Variants in OTUD7A observed in about 807,000 individuals in gnomAD.
The protein encoded by OTUD7A is OTU domain-containing protein 7A.
A neutral mutation model predicts 65.7 loss-of-function variants in OTUD7A; 12 were observed. The observed-to-expected ratio is 0.18, with a 90% CI of 0.12 to 0.30. The LOEUF is 0.30. Ranked by LOEUF, OTUD7A falls within the 10% of genes least tolerant of loss-of-function variation. The pLI is 1.00. For missense variants in OTUD7A, 1,148 were observed against 1,304.8 expected, an observed-to-expected ratio of 0.88 and a Z score of 1.85; for synonymous variants, 641 against 586.3, an observed-to-expected ratio of 1.09 and a Z score of -1.35.
intron 3 of OTUD7A, among the ~76,000 whole-genome samples, chr15:31,619,396 C>T (rs1890702587): frequency 6.6e-6 from 1 of 152,202 alleles, no homozygotes; most frequent in Non-Finnish European, 1.5e-5. Context: ...TTGATTCTTC[C>T]TATCCATGAG....
intron 1 of OTUD7A, among the ~76,000 whole-genome samples, chr15:31,798,562 G>A (rs1896034719): frequency 6.6e-6 from 1 of 152,160 alleles, no homozygotes; most frequent in Non-Finnish European, 1.5e-5. Flanking sequence ...GAGTGCATGG[G>A]CCTGACAGTG....
chr15:31,489,000 G>A (rs1368755919), intron 10 of OTUD7A, among the ~76,000 whole-genome samples: 3 of 152,192 alleles, frequency 2.0e-5, no homozygotes, highest in Non-Finnish European at 4.4e-5. Flanking sequence ...CTGCCTTGAC[G>A]TGGCCACCCT....
intron 1 of OTUD7A, among the ~76,000 whole-genome samples, chr15:31,842,873 T>C (rs573593464): frequency 1.8e-4 from 28 of 152,162 alleles, no homozygotes; most frequent in Non-Finnish European, 4.0e-4. Context: ...ATTTGCTACC[T>C]GCTCCAAAAA....
chr15:31,575,957 C>A (rs966899326), intron 3 of OTUD7A, among the ~76,000 whole-genome samples: 4 of 152,050 alleles, frequency 2.6e-5, no homozygotes, highest in African/African-American at 4.8e-5. Flanking sequence ...ATATTCCATA[C>A]ACAATTGCAA....
chr15:31,741,345 T>C (rs1176860493), intron 1 of OTUD7A, among the ~76,000 whole-genome samples: 2 of 152,164 alleles, frequency 1.3e-5, no homozygotes, highest in Non-Finnish European at 2.9e-5. Flanking sequence ...AATTTTTTAT[T>C]ACACTTTAAG....
intron 1 of OTUD7A, among the ~76,000 whole-genome samples, chr15:31,734,014 C>T (rs1265509062): frequency 6.6e-6 from 1 of 152,032 alleles, no homozygotes; most frequent in Non-Finnish European, 1.5e-5. Context: ...AATACACTGT[C>T]AAGCAGAGTT....
intron 1 of OTUD7A, among the ~76,000 whole-genome samples, chr15:31,774,168 G>A (rs10775163): frequency 0.69 from 104,715 of 152,152 alleles, 36,549 homozygotes; most frequent in South Asian, 0.78. Flanking sequence ...TGGAGTTGAC[G>A]GCTGCTCAAT....
chr15:31,589,864 T>A (rs957530106), intron 3 of OTUD7A, among the ~76,000 whole-genome samples: 1 of 152,204 alleles, frequency 6.6e-6, no homozygotes, highest in African/African-American at 2.4e-5. Context: ...CTCTGTAAGA[T>A]TAGTATTGAA....
intron 3 of OTUD7A, among the ~76,000 whole-genome samples, chr15:31,648,598 C>T (rs193105006): frequency 3.0e-4 from 45 of 152,258 alleles, no homozygotes; most frequent in Middle Eastern, 6.8e-3. Context: ...AGCTTCGTCT[C>T]CTTAACCCAT....
In OTUD7A at chr15:31,487,710, C is replaced by A. The variant is rs1193622627; in HGVS notation, c.1172-144G>T. On this transcript the variant is annotated intron_variant, in intron 10 of 12. Transcript: ENST00000307050. The surrounding 1 kb of genome is among the most constrained non-coding windows in gnomAD (Gnocchi z 6.0). ...TCTGTGCCAGCAGGAGCATGAAGAC[C>A]AAAACCACTATTGCTAGTTTTTAAA... 1.5e-6 allele frequency: 1 copy of A among 649,056 alleles called. No individual in the cohort carries two copies. Among genetic ancestry groups the A allele is most frequent in the Non-Finnish European group, 2.6e-6 (1 of 381,096 alleles). The allele number at this position is 649,056 out of a possible 1,614,324, so 40.2% of individuals were successfully genotyped here.
At chr15:31,662,880 A>G (rs189490637) in intron 1 of OTUD7A, among the ~76,000 whole-genome samples, 1 of 152,344 alleles carries the variant, frequency 6.6e-6, no homozygotes, top group Admixed American at 6.5e-5. Flanking sequence ...CAGGAATGAT[A>G]GCATATTACA....
chr15:31,718,432 A>G (rs1284556500), intron 1 of OTUD7A, among the ~76,000 whole-genome samples: 1 of 151,764 alleles, frequency 6.6e-6, no homozygotes, highest in African/African-American at 2.4e-5. Context: ...TTATTTCTCT[A>G]TTCATCCATT....
intron 1 of OTUD7A, among the ~76,000 whole-genome samples, chr15:31,788,610 T>C (rs1398086845): frequency 6.6e-6 from 1 of 152,096 alleles, no homozygotes; most frequent in Non-Finnish European, 1.5e-5. Context: ...CAATCATCCA[T>C]AGTTGCAGGT....
At chr15:31,751,382 G>A (rs1334596430) in intron 1 of OTUD7A, among the ~76,000 whole-genome samples, 4 of 152,126 alleles carry the variant, frequency 2.6e-5, no homozygotes, top group Non-Finnish European at 4.4e-5. Flanking sequence ...TCTCATACCA[G>A]TCAGAATGGC....
At chr15:31,597,259 A>C (rs1217617903) in intron 3 of OTUD7A, among the ~76,000 whole-genome samples, 1 of 151,964 alleles carries the variant, frequency 6.6e-6, no homozygotes, top group African/African-American at 2.4e-5. Flanking sequence ...GATGAACCAA[A>C]ATTTTTTGTT....
Position 31,545,001 on chromosome 15 carries a change from C to T in OTUD7A, c.550+13968G>A, listed in dbSNP as rs535165727. The stretch of plus-strand genomic sequence containing the variant: ...TAGAAAAAAAAACTCCTAGAAATAT[C>T]CCCACAGTGATTAAGCAACATATTT... On this transcript the variant is annotated intron_variant, in intron 5 of 12. Coordinates refer to ENST00000307050, the MANE Select transcript of OTUD7A (RefSeq NM_001382637.1). Among the ~76,000 whole-genome samples, 291 of 151,810 alleles carry T rather than the reference C, an allele frequency of 1.9e-3. 3 individuals carry two copies. The highest frequency in any genetic ancestry group is 6.6e-3 in the African/African-American group (274 of 41,478).
chr15:31,610,442 T>G (rs1353680722), intron 3 of OTUD7A, among the ~76,000 whole-genome samples: 3 of 151,544 alleles, frequency 2.0e-5, no homozygotes, highest in African/African-American at 7.3e-5. Flanking sequence ...AAACTATACC[T>G]TAGAACAAAT....
intron 1 of OTUD7A, among the ~76,000 whole-genome samples, chr15:31,824,366 C>A (rs2140975984): frequency 6.6e-6 from 1 of 152,314 alleles, no homozygotes; most frequent in Non-Finnish European, 1.5e-5. Context: ...TGAATGCCAG[C>A]TCACCAGGTA....
At chr15:31,673,095 A>G (rs1306825532) in intron 1 of OTUD7A, among the ~76,000 whole-genome samples, 1 of 152,242 alleles carries the variant, frequency 6.6e-6, no homozygotes, top group African/African-American at 2.4e-5. Context: ...TTAAGTTGAA[A>G]ATACATTAAG....
Sources: gnomAD v4.1 joint callset for allele counts (sites outside exome capture counted in the v4.1 genomes callset) on GRCh38, gnomAD v4.1.1 for gene constraint, Gnocchi (gnomAD v3.1) non-coding constraint, MANE v1.5 for transcripts, NCBI Gene and HGNC (gene_info 2026-07-23, HGNC 2026-07-21) for gene names.